The following RNF123 variants were observed in gnomAD, a reference collection of about 807,000 sequenced individuals.
RNF123 encodes the protein ring finger protein 123.
A neutral mutation model predicts 168.5 loss-of-function variants in RNF123; 86 were observed. The observed-to-expected ratio is 0.51, with a 90% CI of 0.43 to 0.61. The LOEUF (loss-of-function observed/expected upper bound fraction) is 0.61. Among genes scored for constraint, RNF123 ranks in the 20% least tolerant of loss-of-function variants. The probability of loss-of-function intolerance (pLI) is 0.00; values close to 1 mark genes in which losing one functional copy is unlikely to be tolerated. For synonymous variants in RNF123, 666 were observed against 689.1 expected (o/e 0.97, Z 0.52); for missense variants, 1,419 against 1,729.7 (o/e 0.82, Z 3.19).
chr3:49,695,990 G>A (rs540201307), intron 3 of RNF123, among the ~76,000 whole-genome samples: 13 of 152,302 alleles, frequency 8.5e-5, no homozygotes, highest in Admixed American at 5.2e-4. Flanking sequence ...ATGGACTGGC[G>A]GGTACAGGAC....
chr3:49,712,454 G>T (rs2080161081), intron 26 of RNF123, 25 bp from the exon 27 acceptor site: 3 of 1,612,178 alleles, frequency 1.9e-6, no homozygotes, highest in Non-Finnish European at 2.5e-6. Context: ...GCGCAACCCA[G>T]CAGCACCCCG....
intron 3 of RNF123, among the ~76,000 whole-genome samples, chr3:49,695,998 G>A (rs2054260534): frequency 6.6e-6 from 1 of 152,184 alleles, no homozygotes; most frequent in African/African-American, 2.4e-5. Context: ...GCGGGTACAG[G>A]ACAGAGCCAT....
intron 35 of RNF123, chr3:49,716,725 C>T: frequency 2.0e-6 from 1 of 489,694 alleles, no homozygotes; most frequent in Non-Finnish European, 3.7e-6. Context: ...TGGCTTGTGG[C>T]CATGCCTCAG....
At chr3:49,713,041 A>AC (rs764770413) in intron 27 of RNF123, 4 of 658,782 alleles carry the variant, frequency 6.1e-6, no homozygotes, top group Non-Finnish European at 1.1e-5. Context: ...TGTCTTGGTA[A>AC]ATCACAGCAG....
At position 49,706,778 on chromosome 3, in the gene RNF123, C is replaced by T. The variant is rs764281511; in HGVS notation, c.2389-13C>T. On this transcript the variant is annotated splice_polypyrimidine_tract_variant and intron_variant, in intron 25 of 38. Transcript: ENST00000327697. ...CCATGTCTTGATTGTCCTCCTTTCCCCTTGGGTGGCAGAGGAAGGACATCC... is the reference window on the plus strand; with the variant it reads ...CCATGTCTTGATTGTCCTCCTTTCCTCTTGGGTGGCAGAGGAAGGACATCC... The T allele has an allele frequency of 5.6e-6, 9 of 1,612,262 alleles. No individual in the cohort carries two copies. In the East Asian group the frequency reaches 1.8e-4, roughly 32 times the overall value.
intron 4 of RNF123, 53 bp from the exon 5 acceptor site, chr3:49,697,310 A>G (rs2054288357): frequency 1.3e-6 from 2 of 1,589,034 alleles, no homozygotes; most frequent in South Asian, 1.1e-5. Flanking sequence ...AGGACACCCT[A>G]TGCATCCTGT....
At chr3:49,702,895 C>T in intron 20 of RNF123, 142 bp downstream of exon 20, 2 of 1,292,344 alleles carry the variant, frequency 1.5e-6, no homozygotes, top group Non-Finnish European at 2.2e-6. Context: ...GAGTCCTACC[C>T]AGCCACAGGC....
In RNF123 at chr3:49,703,308, G is replaced by A. The variant is rs1159329403; in HGVS notation, c.1751-119G>A. The A allele has an allele frequency of 5.4e-6, 4 of 744,788 alleles. No homozygotes were observed. In the Admixed American group the frequency reaches 9.3e-5, roughly 17 times the overall value. The allele number at this position is 744,788 out of a possible 1,614,324, so 46.1% of individuals were successfully genotyped here. A position where few individuals can be genotyped will look rare whatever the true frequency, so the allele number is the denominator to read the frequency against. ...GACAGTTTCTCTGTCTGCCTGGATG[G>A]GTGAGTGGCCAAAGCCAGAATTCCC... On this transcript the variant is annotated intron_variant, in intron 20 of 38. Coordinates refer to ENST00000327697, the MANE Select transcript of RNF123 (RefSeq NM_022064.5).
Position 49,701,512 on chromosome 3 carries a change from C to T in RNF123, c.1299C>T (p.Val433=), listed in dbSNP as rs6804655. The change falls in exon 16 of 39, where the codon GTC becomes GTT. Residue 433 remains valine, a synonymous_variant. Transcript: ENST00000327697. ...SNVLFDVLRS[V]VFFYIKSPLR... is the part of the protein sequence containing the mutation. The stretch of plus-strand genomic sequence containing the variant: ...CCAGCTTCGACGTGCTCCGCTCCGT[C>T]GTCTTCTTTTACATCAAGAGCCCCC... The T allele has an allele frequency of 0.3, 479,384 of 1,612,570 alleles. 73,683 individuals are homozygous for T. Among genetic ancestry groups the T allele is most frequent in the Non-Finnish European group, 0.32 (374,848 of 1,178,996 alleles).
At chr3:49,690,757 G>A (rs936396609) in intron 1 of RNF123, among the ~76,000 whole-genome samples, 1 of 152,236 alleles carries the variant, frequency 6.6e-6, no homozygotes, top group African/African-American at 2.4e-5. Flanking sequence ...GACTCAGTAT[G>A]GCTTACAACT....
intron 21 of RNF123, among the ~76,000 whole-genome samples, chr3:49,704,129 A>G (rs1431743091): frequency 6.6e-6 from 1 of 152,096 alleles, no homozygotes; most frequent in Non-Finnish European, 1.5e-5. Context: ...TTCTGTTTGG[A>G]CACAGCGCGT....
chr3:49,715,994 T>A lies in RNF123; in HGVS notation c.3323T>A (p.Leu1108Gln). 1 of 1,613,984 alleles carries A rather than the reference T, an allele frequency of 6.2e-7. No homozygotes were observed. Among genetic ancestry groups the A allele is most frequent in the Non-Finnish European group, 8.5e-7 (1 of 1,180,032 alleles). Residue 1108 changes from leucine to glutamine, a missense_variant, in exon 33 of 39, where the codon CTG becomes CAG. Around this residue, in one of 5 missense-constraint regions of RNF123, gnomAD observed 538 missense variants for 708.8 expected, o/e 0.76. Coordinates refer to ENST00000327697, the MANE Select transcript of RNF123 (RefSeq NM_022064.5). The part of the protein sequence containing the change: ...DWTRPTSEML[L>Q]RRLAQLLNQV... ...ACCCGGCCTACCTCTGAGATGCTGC[T>A]GCGGCGTCTTGCACAGGTGTGGCCA...
chr3:49,700,506 T>C lies in RNF123; in HGVS notation c.1145T>C (p.Met382Thr), dbSNP rs1463164474. Residue 382 changes from methionine to threonine, a missense_variant, in exon 14 of 39, where the codon ATG becomes ACG. Met to Thr is a moderately conservative substitution (Grantham distance 81). Around this residue, in one of 5 missense-constraint regions of RNF123, gnomAD observed 349 missense variants for 344.9 expected, o/e 1.01. Coordinates refer to ENST00000327697, the MANE Select transcript of RNF123 (RefSeq NM_022064.5). ...GTACAAGATTGCCTCAAGCAGTTGA[T>C]GATGTCTCTGCTTCGGCTGTACCGA... ...YEVQDCLKQL[M>T]MSLLRLYRFS... The C allele has an allele frequency of 1.9e-6, 3 of 1,614,066 alleles. No homozygotes were observed. The highest frequency in any genetic ancestry group is 1.3e-5 in the African/African-American group (1 of 74,952).
rs1308189596 is a variant in RNF123 at position 49,714,146 on chromosome 3, TGAG to T, written c.2985_2987del (p.Glu995del). ...TGCCACATCTGCTGAAAACCAAACT[TGAG>T]GACGCCAATTTGCCCAGCCTCCAGA... On this transcript the variant is annotated inframe_deletion, in exon 31 of 39. Coordinates refer to ENST00000327697, the MANE Select transcript of RNF123 (RefSeq NM_022064.5). The T allele has an allele frequency of 2.5e-6, 4 of 1,614,056 alleles. No homozygotes were observed. Among genetic ancestry groups the T allele is most frequent in the Non-Finnish European group, 3.4e-6 (4 of 1,180,014 alleles).
chr3:49,718,808 G>C, intron 35 of RNF123: 1 of 1,613,348 alleles, frequency 6.2e-7, no homozygotes. Flanking sequence ...CAAGGCAAAG[G>C]GTTGTTGTGC....
At chr3:49,719,430 G>A in intron 35 of RNF123, 4 of 1,613,530 alleles carry the variant, frequency 2.5e-6, no homozygotes, top group Non-Finnish European at 3.4e-6. Flanking sequence ...CGCGCAGCAT[G>A]CAGAGCAGTG....
Position 49,698,838 on chromosome 3 carries a change from CTA to C in RNF123, c.638+18_638+19del. On this transcript the variant is annotated intron_variant, in intron 9 of 38. Coordinates refer to ENST00000327697, the MANE Select transcript of RNF123 (RefSeq NM_022064.5). ...CCTTCTGCCTGTGAGTTTCCTATCT[CTA>C]TGCACAGGCCTGGCCCCTGGGGCCT... The C allele has an allele frequency of 6.2e-7, 1 of 1,613,624 alleles. No individual in the cohort carries two copies. Among genetic ancestry groups the C allele is most frequent in the Non-Finnish European group, 8.5e-7 (1 of 1,179,734 alleles).
intron 28 of RNF123, 22 bp from the exon 29 acceptor site, chr3:49,713,716 G>C (rs1315028420): frequency 6.3e-7 from 1 of 1,586,258 alleles, no homozygotes. Context: ...AGCCCCTGCT[G>C]AGGCACGGTG....
chr3:49,699,836 A>T lies in RNF123; in HGVS notation c.984+64A>T. ...AGGCCATGCTAGACACGCCCGTGGT[A>T]GATGTGCCCTCACTGAGGGCTGCAG... is the stretch of plus-strand genomic sequence containing the variant. On this transcript the variant is annotated intron_variant, in intron 12 of 38. Coordinates refer to ENST00000327697, the MANE Select transcript of RNF123 (RefSeq NM_022064.5). This position sits in a 1 kb window ranked among gnomAD's most constrained non-coding sequence, Gnocchi z 4.8. The T allele has an allele frequency of 6.6e-7, 1 of 1,518,020 alleles. No homozygotes were observed. The highest frequency in any genetic ancestry group is 1.1e-5 in the South Asian group (1 of 88,472). The allele number at this position is 1,518,020 out of a possible 1,614,324, so 94.0% of individuals were successfully genotyped here.
Sources: gnomAD v4.1 joint callset for allele counts (sites outside exome capture counted in the v4.1 genomes callset) on GRCh38, gnomAD v4.1.1 for gene constraint, gnomAD v4.1.1 regional missense constraint, Gnocchi (gnomAD v3.1) non-coding constraint, MANE v1.5 for transcripts, NCBI Gene and HGNC (gene_info 2026-07-23, HGNC 2026-07-21) for gene names.